The following SLC9A2 variants were observed in gnomAD, a reference collection of about 807,000 sequenced individuals.
SLC9A2 encodes solute carrier family 9 member A2, also known as sodium/hydrogen exchanger 2.
Under a neutral mutation model 71.7 loss-of-function variants are expected in SLC9A2, and 42 were observed. That is an observed-to-expected ratio of 0.59 (90% CI 0.46 to 0.76). SLC9A2 has a LOEUF of 0.76. Among genes scored for constraint, SLC9A2 ranks in the 30% least tolerant of loss-of-function variants. SLC9A2 has a pLI of 0.00. For synonymous variants in SLC9A2, 396 were observed against 392.5 expected (o/e 1.01, Z -0.10); for missense variants, 829 against 1,017.4 (o/e 0.81, Z 2.52).
chr2:102,654,158 G>T (rs1422400176), intron 1 of SLC9A2, among the ~76,000 whole-genome samples: 4 of 150,258 alleles, frequency 2.7e-5, no homozygotes, highest in Non-Finnish European at 5.9e-5. Flanking sequence ...ATTGCATTTG[G>T]ATATTAGGGG....
At position 102,708,415 on chromosome 2, in the gene SLC9A2, C is replaced by A. The variant is rs749375343; in HGVS notation, c.2365C>A (p.Pro789Thr). The change falls in exon 12 of 12, where the codon CCG becomes ACG. Residue 789 changes from proline (P) to threonine (T), a missense_variant. By Grantham distance (38) the Pro-to-Thr change is conservative. Transcript: ENST00000233969. ...DSLTEGIPPK[P>T]PPRLVWRASE... ...TTTGACTGAAGGCATCCCGCCCAAG[C>A]CGCCACCACGGCTGGTCTGGAGGGC... 2 of 1,614,218 alleles carry A rather than the reference C, an allele frequency of 1.2e-6. No individual in the cohort carries two copies. The highest frequency in any genetic ancestry group is 1.7e-6 in the Non-Finnish European group (2 of 1,180,044).
At chr2:102,645,244 A>C (rs1676697595) in intron 1 of SLC9A2, among the ~76,000 whole-genome samples, 1 of 152,210 alleles carries the variant, frequency 6.6e-6, no homozygotes, top group African/African-American at 2.4e-5. Context: ...AACAGAAAAC[A>C]ATAACGTCAA....
chr2:102,644,188 A>G (rs530279891), intron 1 of SLC9A2, among the ~76,000 whole-genome samples: 1 of 152,040 alleles, frequency 6.6e-6, no homozygotes, highest in East Asian at 1.9e-4. Flanking sequence ...AGGCAAGCAG[A>G]AGCAGGATAG....
intron 1 of SLC9A2, among the ~76,000 whole-genome samples, chr2:102,626,591 G>A (rs1270904903): frequency 6.6e-6 from 1 of 152,174 alleles, no homozygotes; most frequent in African/African-American, 2.4e-5. Flanking sequence ...TTAAACTAAA[G>A]AGCTTCTGCA....
chr2:102,622,032 A>G (rs1261421286), intron 1 of SLC9A2, among the ~76,000 whole-genome samples: 1 of 152,206 alleles, frequency 6.6e-6, no homozygotes, highest in African/African-American at 2.4e-5. Flanking sequence ...TGACTAAGAG[A>G]GACACATATT....
chr2:102,623,218 TC>T (rs1306885848), intron 1 of SLC9A2, among the ~76,000 whole-genome samples: 1 of 152,174 alleles, frequency 6.6e-6, no homozygotes, highest in Non-Finnish European at 1.5e-5. Flanking sequence ...ACTTTACCTT[TC>T]CTTTCTGCAT....
At chr2:102,660,596 G>C (rs1351448240) in intron 2 of SLC9A2, among the ~76,000 whole-genome samples, 1 of 152,204 alleles carries the variant, frequency 6.6e-6, no homozygotes, top group African/African-American at 2.4e-5. Context: ...TCAAAGAATA[G>C]AGGTGGAGAT....
chr2:102,665,029 G>A, intron 2 of SLC9A2, 71 bp from the exon 3 acceptor site: 1 of 1,495,296 alleles, frequency 6.7e-7, no homozygotes, highest in Non-Finnish European at 9.1e-7. Flanking sequence ...CCAGGTAGAT[G>A]TGTTTGTGCC....
At chr2:102,676,241 T>A (rs1293371359) in intron 3 of SLC9A2, among the ~76,000 whole-genome samples, 1 of 152,178 alleles carries the variant, frequency 6.6e-6, no homozygotes, top group East Asian at 1.9e-4. Flanking sequence ...CTTCATTCCA[T>A]CATCAAAGTG....
At chr2:102,684,965 G>T (rs1677520895) in intron 5 of SLC9A2, among the ~76,000 whole-genome samples, 1 of 152,174 alleles carries the variant, frequency 6.6e-6, no homozygotes, top group Admixed American at 6.5e-5. Context: ...CATTTCAGAG[G>T]GGTTGGTAGC....
At chr2:102,658,110 G>C in intron 2 of SLC9A2, 83 bp downstream of exon 2, 3 of 1,048,412 alleles carry the variant, frequency 2.9e-6, no homozygotes, top group Non-Finnish European at 1.4e-6. Flanking sequence ...TCAACTGGCA[G>C]GGGCGAGACC....
intron 5 of SLC9A2, chr2:102,686,363 G>A (rs1035357960): frequency 1.3e-5 from 2 of 152,276 alleles, no homozygotes; most frequent in East Asian, 1.9e-4. Context: ...GGTGTGTAGC[G>A]AGTGCTCAGT....
At chr2:102,632,071 T>TATATACATATATATGTATATATAC (rs1573397832) in intron 1 of SLC9A2, among the ~76,000 whole-genome samples, 1 of 118,530 alleles carries the variant, frequency 8.4e-6, no homozygotes, top group African/African-American at 3.1e-5. Context: ...CACACACATA[T>TATATACATATATATGTATATATAC]ATATACACAC....
At chr2:102,640,983 C>T (rs1399913847) in intron 1 of SLC9A2, among the ~76,000 whole-genome samples, 1 of 152,182 alleles carries the variant, frequency 6.6e-6, no homozygotes, top group African/African-American at 2.4e-5. Context: ...TCCTATTGCC[C>T]TTATTGCTCA....
intron 3 of SLC9A2, among the ~76,000 whole-genome samples, chr2:102,670,599 C>CA (rs66543071): frequency 0.04 from 3,159 of 78,822 alleles, 39 homozygotes; most frequent in African/African-American, 0.07. Flanking sequence ...CTCCCCCCAC[C>CA]AAAAAAAAAA....
At chr2:102,645,842 G>A (rs775325064) in intron 1 of SLC9A2, among the ~76,000 whole-genome samples, 6 of 152,144 alleles carry the variant, frequency 3.9e-5, no homozygotes, top group Non-Finnish European at 8.8e-5. Flanking sequence ...GTGCCTGAAA[G>A]TGACAGGGAG....
rs1400772561 is a variant in SLC9A2 at position 102,708,421 on chromosome 2, C to A, written c.2371C>A (p.Pro791Thr). 6.2e-7 allele frequency: 1 copy of A among 1,614,206 alleles called. No homozygotes were observed. The highest frequency in any genetic ancestry group is 1.7e-5 in the Admixed American group (1 of 60,024). ...LTEGIPPKPP[P>T]RLVWRASEPG... ...TGAAGGCATCCCGCCCAAGCCGCCACCACGGCTGGTCTGGAGGGCATCGGA... is the reference window on the plus strand; with the variant it reads ...TGAAGGCATCCCGCCCAAGCCGCCAACACGGCTGGTCTGGAGGGCATCGGA... Residue 791 changes from proline to threonine, a missense_variant, in exon 12 of 12, where the codon CCA becomes ACA. Transcript: ENST00000233969.
At chr2:102,677,438 T>C (rs59905550) in intron 3 of SLC9A2, among the ~76,000 whole-genome samples, 11,890 of 152,184 alleles carry the variant, frequency 0.078, 1,053 homozygotes, top group African/African-American at 0.22. Flanking sequence ...CCCTTCTCTG[T>C]CTCTAAATTG....
chr2:102,643,179 C>A (rs185115299), intron 1 of SLC9A2, among the ~76,000 whole-genome samples: 1 of 152,152 alleles, frequency 6.6e-6, no homozygotes, highest in Non-Finnish European at 1.5e-5. Flanking sequence ...CGTCCATGTT[C>A]TCTGCGTTCT....
Sources: gnomAD v4.1 joint callset for allele counts (sites outside exome capture counted in the v4.1 genomes callset) on GRCh38, gnomAD v4.1.1 for gene constraint, MANE v1.5 for transcripts, NCBI Gene and HGNC (gene_info 2026-07-23, HGNC 2026-07-21) for gene names.